The following NFXL1 variants were observed in gnomAD, a reference collection of about 807,000 sequenced individuals.
NFXL1 encodes nuclear transcription factor, X-box binding like 1.
Under a neutral mutation model 123.3 loss-of-function variants are expected in NFXL1, and 66 were observed. The ratio of observed to expected loss-of-function variants is 0.54; its 90% CI spans 0.44 to 0.66. NFXL1 has a LOEUF of 0.66. Among genes scored for constraint, NFXL1 ranks in the 30% least tolerant of loss-of-function variants. NFXL1 has a pLI of 0.00. For missense variants in NFXL1, 944 were observed against 1,125.6 expected (o/e 0.84, Z 2.31); for synonymous variants, 346 against 360.8 (o/e 0.96, Z 0.46).
intron 18 of NFXL1, among the ~76,000 whole-genome samples, chr4:47,874,490 A>G (rs1055511413): frequency 1.3e-5 from 2 of 152,186 alleles, no homozygotes; most frequent in Admixed American, 6.5e-5. Flanking sequence ...AATCACACAC[A>G]ATATTTATCA....
intron 18 of NFXL1, among the ~76,000 whole-genome samples, chr4:47,867,386 A>G (rs891164670): frequency 6.6e-6 from 1 of 152,244 alleles, no homozygotes; most frequent in East Asian, 1.9e-4. Context: ...CCTAGATGAT[A>G]AAAATGAGAT....
chr4:47,894,012 A>G (rs1736930843), intron 11 of NFXL1, among the ~76,000 whole-genome samples, 168 bp downstream of exon 11: 1 of 152,108 alleles, frequency 6.6e-6, no homozygotes, highest in African/African-American at 2.4e-5. Context: ...TCCCACTAGT[A>G]CAAAAATTAC....
intron 19 of NFXL1, among the ~76,000 whole-genome samples, chr4:47,857,894 T>A (rs956667381): frequency 3.9e-5 from 6 of 152,182 alleles, no homozygotes; most frequent in Admixed American, 1.3e-4. Flanking sequence ...GATGCAGAGA[T>A]CCTGCCTTTC....
At chr4:47,898,254 T>C (rs979910701) in intron 8 of NFXL1, among the ~76,000 whole-genome samples, 173 bp from the exon 9 acceptor site, 1 of 152,194 alleles carries the variant, frequency 6.6e-6, no homozygotes, top group Non-Finnish European at 1.5e-5. Context: ...TAGATACATA[T>C]ATACATATGT....
chr4:47,890,134 G>A (rs1354761681), intron 12 of NFXL1, among the ~76,000 whole-genome samples: 6 of 151,798 alleles, frequency 4.0e-5, no homozygotes, highest in Non-Finnish European at 5.9e-5. Flanking sequence ...AAAGCCCTTT[G>A]GGGACCAAAG....
intron 20 of NFXL1, among the ~76,000 whole-genome samples, chr4:47,853,269 T>C (rs1312075431): frequency 6.6e-6 from 1 of 152,100 alleles, no homozygotes; most frequent in African/African-American, 2.4e-5. Flanking sequence ...ACAATAGTAA[T>C]TGCAGCTACT....
At chr4:47,913,833 G>A (rs1737965205) in intron 2 of NFXL1, 136 bp downstream of exon 2, 1 of 565,638 alleles carries the variant, frequency 1.8e-6, no homozygotes, top group African/African-American at 1.9e-5. Flanking sequence ...CGAAAGGCTG[G>A]AGAAGTGGGC....
At chr4:47,855,008 C>A in intron 20 of NFXL1, 51 bp downstream of exon 20, 1 of 758,866 alleles carries the variant, frequency 1.3e-6, no homozygotes. Flanking sequence ...AAGAAAACCA[C>A]ACAAAAACAA....
Position 47,898,093 on chromosome 4 carries a change from T to C in NFXL1, c.1090-12A>G, listed in dbSNP as rs1427925849. 1 of 1,502,586 alleles carries C rather than the reference T, an allele frequency of 6.7e-7. No homozygotes were observed. 93.1% of individuals were successfully genotyped at this position (1,502,586 alleles called of 1,614,324 possible). A position where few individuals can be genotyped will look rare whatever the true frequency, so the allele number is the denominator to read the frequency against. On this transcript the variant is annotated splice_polypyrimidine_tract_variant and intron_variant, in intron 8 of 22. Coordinates refer to ENST00000507489, the MANE Select transcript of NFXL1 (RefSeq NM_001278624.2). The stretch of plus-strand genomic sequence containing the variant: ...GTTTTTCCACATACCTAAAATAAAA[T>C]GCAATAAACACTAATGAAGGATTTA...
At position 47,885,651 on chromosome 4, in the gene NFXL1, T is replaced by A; in HGVS notation, c.1671A>T (p.Pro557=). Residue 557 remains proline (P), a synonymous_variant, in exon 14 of 23, where the codon CCA becomes CCT. Transcript: ENST00000507489. ...PPKCKEQCSR[P]PTCHHTSQEK... ...CTTGACTTGTATGATGACAAGTTGGTGGTCGACTAAATCATAAAGTACAAT... is the reference window on the plus strand; with the variant it reads ...CTTGACTTGTATGATGACAAGTTGGAGGTCGACTAAATCATAAAGTACAAT... The A allele has an allele frequency of 1.2e-6, 2 of 1,612,410 alleles. No homozygotes were observed. The highest frequency in any genetic ancestry group is 1.7e-6 in the Non-Finnish European group (2 of 1,178,878).
chr4:47,885,977 T>G lies in NFXL1; in HGVS notation c.1566A>C (p.Glu522Asp). Reference protein sequence around the residue: ...CHRGSCYPCPETVDVKCNCGN... With the variant: ...CHRGSCYPCPDTVDVKCNCGN... The stretch of plus-strand genomic sequence containing the variant: ...CACAATTACACTTCACATCTACGGT[T>G]TCTGGGCAGGGATAGCAACTGCCTG... Residue 522 changes from glutamate to aspartate, a missense_variant, in exon 13 of 23, where the codon GAA becomes GAC. Coordinates refer to ENST00000507489, the MANE Select transcript of NFXL1 (RefSeq NM_001278624.2). The G allele has an allele frequency of 6.2e-7, 1 of 1,613,316 alleles. No individual in the cohort carries two copies. Among genetic ancestry groups the G allele is most frequent in the East Asian group, 2.2e-5 (1 of 44,860 alleles).
intron 22 of NFXL1, among the ~76,000 whole-genome samples, chr4:47,848,887 T>C (rs1012449773): frequency 6.6e-6 from 1 of 151,854 alleles, no homozygotes; most frequent in Non-Finnish European, 1.5e-5. Flanking sequence ...AGACTCCATC[T>C]CAAAAAAATA....
At chr4:47,885,124 C>T in intron 14 of NFXL1, among the ~76,000 whole-genome samples, 1 of 86,750 alleles carries the variant, frequency 1.2e-5, no homozygotes, top group South Asian at 3.3e-4. Context: ...GACTCCGTCT[C>T]AAAAAAAAAA....
chr4:47,889,503 T>C (rs916213361), intron 12 of NFXL1, among the ~76,000 whole-genome samples: 12 of 152,166 alleles, frequency 7.9e-5, no homozygotes, highest in Non-Finnish European at 1.3e-4. Context: ...CTTGGGCCAA[T>C]AGTCTCCCGG....
chr4:47,878,938 T>G (rs1466392786), intron 16 of NFXL1, among the ~76,000 whole-genome samples, 158 bp downstream of exon 16: 1 of 152,122 alleles, frequency 6.6e-6, no homozygotes. Flanking sequence ...ATAAAGGCAC[T>G]ACATATTTTT....
chr4:47,856,633 A>G (rs1429409950), intron 19 of NFXL1, among the ~76,000 whole-genome samples: 1 of 152,160 alleles, frequency 6.6e-6, no homozygotes, highest in Non-Finnish European at 1.5e-5. Context: ...GTCTCTTTCT[A>G]GTGTGTGATT....
At chr4:47,858,215 C>T (rs1734518708) in intron 19 of NFXL1, among the ~76,000 whole-genome samples, 3 of 152,142 alleles carry the variant, frequency 2.0e-5, no homozygotes, top group South Asian at 4.1e-4. Flanking sequence ...ATGCTGACCA[C>T]ACAAAATGTT....
At chr4:47,875,029 G>C in intron 18 of NFXL1, 98 bp downstream of exon 18, 1 of 680,750 alleles carries the variant, frequency 1.5e-6, no homozygotes, top group South Asian at 2.9e-5. Flanking sequence ...TAGGCATCTA[G>C]AGTTTAAGCA....
At chr4:47,875,030 A>G in intron 18 of NFXL1, 97 bp downstream of exon 18, 1 of 687,634 alleles carries the variant, frequency 1.5e-6, no homozygotes, top group Non-Finnish European at 2.3e-6. Flanking sequence ...AGGCATCTAG[A>G]GTTTAAGCAA....
Sources: gnomAD v4.1 joint callset for allele counts (sites outside exome capture counted in the v4.1 genomes callset) on GRCh38, gnomAD v4.1.1 for gene constraint, MANE v1.5 for transcripts, NCBI Gene and HGNC (gene_info 2026-07-23, HGNC 2026-07-21) for gene names.